The following SMYD1 variants were observed in gnomAD, a reference collection of about 807,000 sequenced individuals.
The protein encoded by SMYD1 is histone-lysine N-methyltransferase SMYD1.
Under a neutral mutation model 54.0 loss-of-function variants are expected in SMYD1, and 49 were observed. That is an observed-to-expected ratio of 0.91 (90% CI 0.72 to 1.15). The LOEUF is 1.15. Ranked by LOEUF, SMYD1 falls within the 50% of genes most tolerant of loss-of-function variation. The pLI, the probability that SMYD1 is intolerant of heterozygous loss-of-function variation, is 0.00. For synonymous variants in SMYD1, 269 were observed against 234.2 expected (o/e 1.15, Z -1.36); for missense variants, 653 against 639.6 (o/e 1.02, Z -0.23).
intron 9 of SMYD1, among the ~76,000 whole-genome samples, chr2:88,109,726 ATATAT>A (rs1450517580): frequency 6.6e-6 from 1 of 152,160 alleles, no homozygotes; most frequent in African/African-American, 2.4e-5. Context: ...AATGGAAATA[ATATAT>A]TAGCCCCTTA....
chr2:88,107,900 TC>T (rs1429679760), intron 8 of SMYD1, among the ~76,000 whole-genome samples: 2 of 152,218 alleles, frequency 1.3e-5, no homozygotes, highest in Non-Finnish European at 2.9e-5. Context: ...CCAGGTGAGG[TC>T]ATGCCTTGCC....
Position 88,110,576 on chromosome 2 carries a change from G to C in SMYD1, c.*64G>C. On this transcript the variant is annotated 3_prime_UTR_variant, in exon 10 of 10. Coordinates refer to ENST00000419482, the MANE Select transcript of SMYD1 (RefSeq NM_198274.4). ...CTAGGGAGAGACTCTGGAGGTGGTG[G>C]GTCTCTCGGGAGACCCCTAATGAGG... 6.8e-7 allele frequency: 1 copy of C among 1,462,676 alleles called. No homozygotes were observed. The highest frequency in any genetic ancestry group is 9.1e-7 in the Non-Finnish European group (1 of 1,100,344). The allele number at this position is 1,462,676 out of a possible 1,614,324, so 90.6% of individuals were successfully genotyped here. A position where few individuals can be genotyped will look rare whatever the true frequency, so the allele number is the denominator to read the frequency against.
chr2:88,071,940 A>T (rs374274037), intron 1 of SMYD1, among the ~76,000 whole-genome samples: 1 of 151,702 alleles, frequency 6.6e-6, no homozygotes, highest in African/African-American at 2.4e-5. Flanking sequence ...GGAATTCGCA[A>T]TGCTGGGTTT....
intron 9 of SMYD1, among the ~76,000 whole-genome samples, 154 bp from the exon 10 acceptor site, chr2:88,110,200 A>AGAGTGTGT (rs139694354): frequency 0.03 from 4,201 of 138,910 alleles, 88 homozygotes; most frequent in African/African-American, 0.057. Flanking sequence ...TTGATGAATG[A>AGAGTGTGT]GTGTGTGTGT....
intron 1 of SMYD1, among the ~76,000 whole-genome samples, chr2:88,077,363 T>C (rs1674089714): frequency 6.6e-6 from 1 of 152,238 alleles, no homozygotes; most frequent in African/African-American, 2.4e-5. Flanking sequence ...TGTAGCTGCA[T>C]CCGCCCGCCT....
intron 1 of SMYD1, among the ~76,000 whole-genome samples, chr2:88,084,030 G>T (rs922067254): frequency 6.6e-6 from 1 of 152,126 alleles, no homozygotes; most frequent in Admixed American, 6.5e-5. Flanking sequence ...GGAGGCGGAG[G>T]TTGCAGTGAG....
chr2:88,107,566 C>T (rs1257138480), intron 8 of SMYD1, among the ~76,000 whole-genome samples: 1 of 152,192 alleles, frequency 6.6e-6, no homozygotes, highest in Non-Finnish European at 1.5e-5. Flanking sequence ...GCAGGGAGGC[C>T]TCCTTGAGCT....
At chr2:88,100,257 T>C (rs1042047703) in intron 6 of SMYD1, among the ~76,000 whole-genome samples, 1 of 152,164 alleles carries the variant, frequency 6.6e-6, no homozygotes, top group Non-Finnish European at 1.5e-5. Flanking sequence ...TTAACAACCT[T>C]TCTGCCAGGT....
At chr2:88,076,904 T>C (rs1312981207) in intron 1 of SMYD1, among the ~76,000 whole-genome samples, 3 of 151,544 alleles carry the variant, frequency 2.0e-5, no homozygotes, top group Non-Finnish European at 2.9e-5. Context: ...CCCAGCTACT[T>C]GGGAGGCTAA....
At chr2:88,096,558 T>G in intron 5 of SMYD1, 37 bp from the exon 6 acceptor site, 1 of 1,559,976 alleles carries the variant, frequency 6.4e-7, no homozygotes, top group Non-Finnish European at 8.7e-7. Flanking sequence ...CCAGTAGGCC[T>G]GGATTCGATT....
At chr2:88,076,466 G>T (rs1674066459) in intron 1 of SMYD1, among the ~76,000 whole-genome samples, 1 of 152,102 alleles carries the variant, frequency 6.6e-6, no homozygotes, top group East Asian at 1.9e-4. Context: ...TTTGTGATCC[G>T]CCTGCCTCGG....
intron 1 of SMYD1, among the ~76,000 whole-genome samples, chr2:88,073,000 T>C (rs1023219243): frequency 6.6e-6 from 1 of 152,208 alleles, no homozygotes; most frequent in Non-Finnish European, 1.5e-5. Context: ...TCTAATAATC[T>C]GCTTGCCCAG....
At chr2:88,108,294 A>G in intron 8 of SMYD1, 77 bp from the exon 9 acceptor site, 1 of 1,381,902 alleles carries the variant, frequency 7.2e-7, no homozygotes, top group African/African-American at 1.5e-5. Flanking sequence ...CAACAAGGGC[A>G]CTTTATACAT....
intron 7 of SMYD1, among the ~76,000 whole-genome samples, chr2:88,105,376 T>C (rs533812987): frequency 0.021 from 3,039 of 147,116 alleles, 117 homozygotes; most frequent in African/African-American, 0.074. Flanking sequence ...CGCATGCATA[T>C]ATACACACAC....
chr2:88,089,585 G>GTTTTTTT (rs59808789), intron 3 of SMYD1, among the ~76,000 whole-genome samples: 11 of 107,012 alleles, frequency 1.0e-4, no homozygotes, highest in East Asian at 3.7e-4. Context: ...GCTTCTACCT[G>GTTTTTTT]TTTTTTTTTT....
intron 3 of SMYD1, 126 bp downstream of exon 3, chr2:88,088,201 C>G: frequency 9.2e-7 from 1 of 1,091,952 alleles, no homozygotes; most frequent in Non-Finnish European, 1.3e-6. Context: ...TGCCCTGGAC[C>G]CTGATTTCTA....
chr2:88,096,206 G>T (rs1389078976), intron 5 of SMYD1, among the ~76,000 whole-genome samples: 1 of 152,128 alleles, frequency 6.6e-6, no homozygotes, highest in Non-Finnish European at 1.5e-5. Context: ...AATATTTTTA[G>T]GTTTTTTCTT....
rs371976208 is a variant in SMYD1, at chr2:88,088,027, G to A, written c.480G>A (p.Pro160=). The change falls in exon 3 of 10, where the codon CCG becomes CCA. Residue 160 remains proline (P), a synonymous_variant. Transcript: ENST00000419482. ...DVDTFLQYWP[P]QSQQFSMQYI... ...ACACATTCTTGCAGTACTGGCCGCC[G>A]CAGAGCCAGCAGTTCAGCATGCAGT... 29 of 1,613,968 alleles carry A rather than the reference G, an allele frequency of 1.8e-5. No individual in the cohort carries two copies. The African/African-American group carries it at 2.0e-4, about 11-fold the overall frequency.
In SMYD1 at chr2:88,098,627, C is replaced by T. The variant is rs917448073; in HGVS notation, c.888+1843C>T. Reference sequence around the variant, plus strand: ...TCTTCAGGCATTAAAAAAAGGCCATCATAATGTAGTAGGAAGAATACTGGA... The same window carrying T: ...TCTTCAGGCATTAAAAAAAGGCCATTATAATGTAGTAGGAAGAATACTGGA... On this transcript the variant is annotated intron_variant, in intron 6 of 9. Transcript: ENST00000419482. Among the ~76,000 whole-genome samples, 3 of 152,280 alleles carry T rather than the reference C, an allele frequency of 2.0e-5. No individual in the cohort carries two copies. The South Asian group carries it at 6.2e-4, about 32-fold the overall frequency.
Sources: gnomAD v4.1 joint callset for allele counts (sites outside exome capture counted in the v4.1 genomes callset) on GRCh38, gnomAD v4.1.1 for gene constraint, MANE v1.5 for transcripts, NCBI Gene and HGNC (gene_info 2026-07-23, HGNC 2026-07-21) for gene names.